The following PTPRT variants were observed in gnomAD, a reference collection of about 807,000 sequenced individuals.
The protein encoded by PTPRT is receptor-type tyrosine-protein phosphatase T.
PTPRT carries 56 observed loss-of-function variants against 176.8 expected under a neutral mutation model. The ratio of observed to expected loss-of-function variants is 0.32; its 90% CI spans 0.26 to 0.40. PTPRT has a LOEUF of 0.40. PTPRT is among the 10% of genes least tolerant of loss of function. The pLI is 1.00. For synonymous variants in PTPRT, 783 were observed against 739.0 expected (o/e 1.06, Z -0.96); for missense variants, 1,540 against 1,908.2 (o/e 0.81, Z 3.60).
chr20:42,217,678 A>C (rs900271580), intron 15 of PTPRT, among the ~76,000 whole-genome samples: 7 of 152,166 alleles, frequency 4.6e-5, no homozygotes, highest in African/African-American at 1.4e-4. Flanking sequence ...TACCTAGTGC[A>C]CTGCGGGATG....
intron 13 of PTPRT, among the ~76,000 whole-genome samples, chr20:42,258,382 C>T (rs967886117): frequency 5.3e-5 from 8 of 152,108 alleles, no homozygotes; most frequent in Admixed American, 1.3e-4. Flanking sequence ...CTTAAGTTCC[C>T]TCATCCTTTT....
intron 1 of PTPRT, among the ~76,000 whole-genome samples, chr20:43,145,369 A>C (rs1173206807): frequency 6.6e-6 from 1 of 152,188 alleles, no homozygotes; most frequent in African/African-American, 2.4e-5. Context: ...TCCAACTATC[A>C]ATCACCTTCA....
At chr20:42,128,879 C>A in intron 18 of PTPRT, 49 bp from the exon 19 acceptor site, 1 of 1,472,836 alleles carries the variant, frequency 6.8e-7, no homozygotes, top group South Asian at 1.3e-5. Context: ...AGGCCTTACG[C>A]AGCTAATGTC....
chr20:43,045,435 T>A (rs1474004381), intron 1 of PTPRT, among the ~76,000 whole-genome samples: 2 of 149,360 alleles, frequency 1.3e-5, no homozygotes, highest in African/African-American at 5.0e-5. Flanking sequence ...AACTCTAACT[T>A]TTTTCTTTTT....
At chr20:43,154,734 C>G (rs1324064178) in intron 1 of PTPRT, among the ~76,000 whole-genome samples, 1 of 151,980 alleles carries the variant, frequency 6.6e-6, no homozygotes, top group Non-Finnish European at 1.5e-5. Flanking sequence ...TTCTGCATGG[C>G]AAAGGAAACA....
intron 6 of PTPRT, among the ~76,000 whole-genome samples, chr20:42,684,816 G>T (rs1382587891): frequency 6.6e-6 from 1 of 152,090 alleles, no homozygotes; most frequent in Non-Finnish European, 1.5e-5. Flanking sequence ...AAAAACTCTG[G>T]TTCCAGACTT....
chr20:42,598,168 G>C (rs1410496947), intron 7 of PTPRT, among the ~76,000 whole-genome samples: 2 of 151,978 alleles, frequency 1.3e-5, no homozygotes, highest in East Asian at 3.9e-4. Flanking sequence ...AGGTATTTAA[G>C]TAAAAAGAGT....
intron 1 of PTPRT, among the ~76,000 whole-genome samples, chr20:43,040,967 G>T (rs898261402): frequency 6.6e-6 from 1 of 152,170 alleles, no homozygotes; most frequent in Non-Finnish European, 1.5e-5. Flanking sequence ...GTGGCACCCC[G>T]ACCAGCAGCA....
chr20:43,105,528 G>A (rs1451137321), intron 1 of PTPRT, among the ~76,000 whole-genome samples: 1 of 152,048 alleles, frequency 6.6e-6, no homozygotes, highest in African/African-American at 2.4e-5. Flanking sequence ...AGCCTCCCCA[G>A]TAGCTGGGTC....
chr20:42,993,456 ATGTGTGTG>A (rs1340201676), intron 1 of PTPRT, among the ~76,000 whole-genome samples: 2 of 102,244 alleles, frequency 2.0e-5, no homozygotes, highest in Admixed American at 8.8e-5. Context: ...ATATATATGT[ATGTGTGTG>A]TATATATATA....
At chr20:42,043,787 T>G in the PTPRT span, among the ~76,000 whole-genome samples, 6 of 152,316 alleles carry the variant, frequency 3.9e-5, no homozygotes, top group Admixed American at 3.3e-4. Context: ...TGTTGGACAA[T>G]CGATTTGTTT....
intron 6 of PTPRT, among the ~76,000 whole-genome samples, chr20:42,748,605 C>T (rs908547221): frequency 4.6e-5 from 7 of 152,264 alleles, no homozygotes; most frequent in African/African-American, 7.2e-5. Context: ...TGCGTCCCAC[C>T]GCCACCTCAG....
intron 12 of PTPRT, among the ~76,000 whole-genome samples, chr20:42,287,623 T>C (rs1019207145): frequency 3.3e-5 from 5 of 151,960 alleles, no homozygotes; most frequent in African/African-American, 7.2e-5. Context: ...TACAAGATTA[T>C]ACCTAGATAG....
At chr20:42,202,683 G>C (rs1416872072) in intron 15 of PTPRT, among the ~76,000 whole-genome samples, 1 of 152,172 alleles carries the variant, frequency 6.6e-6, no homozygotes, top group Non-Finnish European at 1.5e-5. Flanking sequence ...TCTGAGCTCT[G>C]CTCACATTGC....
At chr20:42,672,664 T>C (rs763586912) in intron 7 of PTPRT, among the ~76,000 whole-genome samples, 5 of 152,178 alleles carry the variant, frequency 3.3e-5, no homozygotes, top group Non-Finnish European at 7.4e-5. Flanking sequence ...TCCAGCCTAC[T>C]GGGCTGGGAT....
intron 1 of PTPRT, among the ~76,000 whole-genome samples, chr20:43,066,109 C>T (rs2425578): frequency 0.29 from 44,109 of 151,916 alleles, 6,790 homozygotes; most frequent in Admixed American, 0.43. Flanking sequence ...TGGTATTTTG[C>T]TCTTCCCAAC....
At chr20:42,850,273 C>T (rs372822234) in intron 2 of PTPRT, among the ~76,000 whole-genome samples, 9 of 152,270 alleles carry the variant, frequency 5.9e-5, no homozygotes, top group South Asian at 2.1e-4. Context: ...ATACTAAAAG[C>T]GCTTCAAGCA....
chr20:42,386,527 C>T (rs1168411806), intron 9 of PTPRT, among the ~76,000 whole-genome samples: 4 of 152,044 alleles, frequency 2.6e-5, no homozygotes, highest in Non-Finnish European at 4.4e-5. Context: ...GGAAGAGGGA[C>T]CTTTCATTTT....
intron 7 of PTPRT, among the ~76,000 whole-genome samples, chr20:42,551,712 G>T (rs1263689773): frequency 1.3e-5 from 2 of 151,776 alleles, no homozygotes; most frequent in Non-Finnish European, 2.9e-5. Context: ...GAAAACCTGT[G>T]GCCTTACTTG....
Sources: gnomAD v4.1 joint callset for allele counts (sites outside exome capture counted in the v4.1 genomes callset) on GRCh38, gnomAD v4.1.1 for gene constraint, MANE v1.5 for transcripts, NCBI Gene and HGNC (gene_info 2026-07-23, HGNC 2026-07-21) for gene names.